The following ZNF532 variants were observed in gnomAD, a reference collection of about 807,000 sequenced individuals.
The protein encoded by ZNF532 is zinc finger protein 532.
In ZNF532, 22 loss-of-function variants were observed where a neutral mutation model predicts 89.3. The ratio of observed to expected loss-of-function variants is 0.25; its 90% confidence interval spans 0.18 to 0.35. The LOEUF (loss-of-function observed/expected upper bound fraction) is 0.35. Among genes scored for constraint, ZNF532 ranks in the 10% least tolerant of loss-of-function variants. ZNF532 has a pLI of 1.00. For synonymous variants in ZNF532, 606 were observed against 649.6 expected, an observed-to-expected ratio of 0.93 and a Z score of 1.02; for missense variants, 1,132 against 1,643.4, an observed-to-expected ratio of 0.69 and a Z score of 5.38.
Position 58,919,489 on chromosome 18 carries a change from C to T in ZNF532, c.1202C>T (p.Ala401Val), listed in dbSNP as rs750340165. ...KPSEQTASVM[A>V]SVTSLLSSPA... is the part of the protein sequence containing the mutation. ...TCCGAGCAGACAGCGTCCGTGATGG[C>T]CTCTGTGACATCCCTTCTGTCGTCT... The change falls in exon 3 of 10, where the codon GCC becomes GTC. Residue 401 changes from alanine (A) to valine (V), a missense_variant. This residue lies in a region of ZNF532 where 124 missense variants were observed against 191.6 expected (regional missense o/e 0.65). Coordinates refer to ENST00000591808, the MANE Select transcript of ZNF532 (RefSeq NM_001375912.1). The surrounding 1 kb of genome is among the most constrained non-coding windows in gnomAD (Gnocchi z 6.1). 2.0e-5 allele frequency: 33 copies of T among 1,614,072 alleles called. No individual in the cohort carries two copies. Among genetic ancestry groups the T allele is most frequent in the Non-Finnish European group, 2.6e-5 (31 of 1,180,038 alleles).
chr18:58,904,122 A>C (rs911504907), intron 2 of ZNF532, among the ~76,000 whole-genome samples: 1 of 152,184 alleles, frequency 6.6e-6, no homozygotes, highest in Non-Finnish European at 1.5e-5. Context: ...AGGCCGAGGC[A>C]GGCGAATTGC....
At chr18:58,910,373 A>G (rs1000738062) in intron 2 of ZNF532, among the ~76,000 whole-genome samples, 1 of 152,138 alleles carries the variant, frequency 6.6e-6, no homozygotes, top group South Asian at 2.1e-4. Flanking sequence ...CATTTGTATG[A>G]ATGACCAAAA....
chr18:58,958,257 T>C (rs2147137951), intron 7 of ZNF532, among the ~76,000 whole-genome samples: 1 of 152,300 alleles, frequency 6.6e-6, no homozygotes, highest in South Asian at 2.1e-4. Context: ...TGACAGATAT[T>C]CAGTGCATAT....
intron 2 of ZNF532, among the ~76,000 whole-genome samples, chr18:58,888,885 T>TAAA (rs2058666332): frequency 3.7e-4 from 21 of 56,884 alleles, no homozygotes; most frequent in Admixed American, 6.0e-4. Context: ...ATTATATATA[T>TAAA]ATATTTTATA....
At chr18:58,954,863 C>G (rs1199143626) in intron 7 of ZNF532, among the ~76,000 whole-genome samples, 1 of 151,882 alleles carries the variant, frequency 6.6e-6, no homozygotes, top group Non-Finnish European at 1.5e-5. Flanking sequence ...CAGATGTGCA[C>G]CACCACGCTC....
chr18:58,956,249 A>G (rs1480395274), intron 7 of ZNF532, among the ~76,000 whole-genome samples: 1 of 152,162 alleles, frequency 6.6e-6, no homozygotes, highest in East Asian at 1.9e-4. Context: ...TTTGATGGAG[A>G]TGTTCATCAG....
intron 7 of ZNF532, among the ~76,000 whole-genome samples, chr18:58,959,270 G>GGTT (rs2065112044): frequency 7.8e-6 from 1 of 127,682 alleles, no homozygotes; most frequent in Non-Finnish European, 1.6e-5. Flanking sequence ...GTTTTTTTTT[G>GGTT]TTTTTTTTTG....
chr18:58,888,784 TA>T (rs33943030), intron 2 of ZNF532, among the ~76,000 whole-genome samples: 1 of 40,558 alleles, frequency 2.5e-5, no homozygotes, highest in East Asian at 9.8e-4. Flanking sequence ...TATATATATA[TA>T]AAATATATAT....
rs1425843519 is a variant in ZNF532, at chr18:58,865,173, G to A, written c.-340G>A. 6.6e-6 allele frequency: 1 copy of A among 151,468 alleles called. No individual in the cohort carries two copies. Among genetic ancestry groups the A allele is most frequent in the Non-Finnish European group, 1.5e-5 (1 of 67,928 alleles). 9.4% of individuals were successfully genotyped at this position (151,468 alleles called of 1,614,324 possible). A position where few individuals can be genotyped will look rare whatever the true frequency, so the allele number is the denominator to read the frequency against. On this transcript the variant is annotated 5_prime_UTR_variant, in exon 1 of 10. Coordinates refer to ENST00000591808, the MANE Select transcript of ZNF532 (RefSeq NM_001375912.1). ...GTGCCTTGCTAGGGTGGGGACACTT[G>A]GTTGATGCAGTCTCTCTCTCTCTTT...
rs373019416 is a variant in ZNF532, at chr18:58,907,488, C to A, written c.-17-10783C>A. On this transcript the variant is annotated intron_variant, in intron 2 of 9. Coordinates refer to ENST00000591808, the MANE Select transcript of ZNF532 (RefSeq NM_001375912.1). ...AGAGGTGTGAGCCACTGCACCCAGC[C>A]GAGAAGTTTTTTGTTTTTTTTTTGA... Among the ~76,000 whole-genome samples the A allele has an allele frequency of 1.6e-3, 237 of 151,830 alleles. 1 individual carries two copies. The highest frequency in any genetic ancestry group is 6.8e-3 in the Middle Eastern group (2 of 294).
chr18:58,893,966 G>C (rs1735960424), intron 2 of ZNF532, among the ~76,000 whole-genome samples: 1 of 152,134 alleles, frequency 6.6e-6, no homozygotes, highest in South Asian at 2.1e-4. Flanking sequence ...GTCTGTGGTA[G>C]TGAGATAGAA....
chr18:58,896,028 T>C (rs887358025), intron 2 of ZNF532, among the ~76,000 whole-genome samples: 1 of 151,976 alleles, frequency 6.6e-6, no homozygotes, highest in Admixed American at 6.6e-5. Flanking sequence ...ACTTTAAATT[T>C]TTAAAATAGA....
intron 2 of ZNF532, among the ~76,000 whole-genome samples, chr18:58,894,191 G>A (rs907052574): frequency 6.6e-6 from 1 of 152,166 alleles, no homozygotes; most frequent in Non-Finnish European, 1.5e-5. Flanking sequence ...CCGGCCGGGC[G>A]TGGTGGCTCA....
chr18:58,953,604 T>G lies in ZNF532; in HGVS notation c.2955T>G (p.Asn985Lys). The change falls in exon 7 of 10, where the codon AAT becomes AAG. Residue 985 changes from asparagine (N) to lysine (K), a missense_variant. This residue lies in a region of ZNF532 where 415 missense variants were observed against 604.8 expected (regional missense o/e 0.69). Coordinates refer to ENST00000591808, the MANE Select transcript of ZNF532 (RefSeq NM_001375912.1). Reference sequence around the variant, plus strand: ...TGAGCATTAAGCCTGCAACTCAAAATTCAGCAAATCAGAACAAAGAGGACA... The same window carrying G: ...TGAGCATTAAGCCTGCAACTCAAAAGTCAGCAAATCAGAACAAAGAGGACA... ...LPLSIKPATQNSANQNKEDTK... is the reference protein window; with the variant it reads ...LPLSIKPATQKSANQNKEDTK... 1 of 1,613,904 alleles carries G rather than the reference T, an allele frequency of 6.2e-7. No homozygotes were observed. The highest frequency in any genetic ancestry group is 1.1e-5 in the South Asian group (1 of 91,074).
At chr18:58,959,263 T>TGG (rs1282716402) in intron 7 of ZNF532, among the ~76,000 whole-genome samples, 3 of 147,232 alleles carry the variant, frequency 2.0e-5, no homozygotes. Flanking sequence ...GTTTTTTGTT[T>TGG]TTTTTTGTTT....
Position 58,979,154 on chromosome 18 carries a change from G to A in ZNF532, c.3250G>A (p.Val1084Met). 1 of 1,611,234 alleles carries A rather than the reference G, an allele frequency of 6.2e-7. No individual in the cohort carries two copies. Among genetic ancestry groups the A allele is most frequent in the Non-Finnish European group, 8.5e-7 (1 of 1,177,584 alleles). ...GATCAAGCACAAAGGCATCAGGAAA[G>A]TGTACGCCTGCTCGTAAGTCCTGGT... ...NRIKHKGIRK[V>M]YACSHCPDSR... The change falls in exon 8 of 10, where the codon GTG (valine) becomes ATG (methionine). Residue 1084 changes from valine to methionine, a missense_variant. By Grantham distance (21) the Val-to-Met change is conservative. Around this residue, in one of 9 missense-constraint regions of ZNF532, gnomAD observed 415 missense variants for 604.8 expected, o/e 0.69. Transcript: ENST00000591808.
At chr18:58,927,180 G>A (rs2061593603) in intron 3 of ZNF532, among the ~76,000 whole-genome samples, 1 of 152,162 alleles carries the variant, frequency 6.6e-6, no homozygotes, top group Admixed American at 6.5e-5. Context: ...GGCTGGTGGT[G>A]GGGGAATTGG....
At chr18:58,917,774 T>C (rs2060713371) in intron 2 of ZNF532, among the ~76,000 whole-genome samples, 1 of 152,184 alleles carries the variant, frequency 6.6e-6, no homozygotes, top group African/African-American at 2.4e-5. Flanking sequence ...GATGCTGATT[T>C]CTTTCTTCTG....
chr18:58,872,137 T>C (rs1417911960), intron 2 of ZNF532, among the ~76,000 whole-genome samples: 1 of 152,214 alleles, frequency 6.6e-6, no homozygotes, highest in Non-Finnish European at 1.5e-5. Context: ...TTTTTAGCTG[T>C]CTCACATATT....
Sources: gnomAD v4.1 joint callset for allele counts (sites outside exome capture counted in the v4.1 genomes callset) on GRCh38, gnomAD v4.1.1 for gene constraint, gnomAD v4.1.1 regional missense constraint, Gnocchi (gnomAD v3.1) non-coding constraint, MANE v1.5 for transcripts, NCBI Gene and HGNC (gene_info 2026-07-23, HGNC 2026-07-21) for gene names.